INPP5A: variants seen among roughly 807,000 people sequenced by gnomAD.
The protein encoded by INPP5A is 43 kDa inositol polyphosphate 5-phophatase.
INPP5A carries 14 observed loss-of-function variants against 65.2 expected under a neutral mutation model. That is an observed-to-expected ratio of 0.21 (90% CI 0.14 to 0.34). The LOEUF is 0.34. Ranked by LOEUF, INPP5A falls within the 10% of genes least tolerant of loss-of-function variation. The pLI is 1.00. For synonymous variants in INPP5A, 207 were observed against 208.3 expected, an observed-to-expected ratio of 0.99 and a Z score of 0.05; for missense variants, 431 against 545.6, an observed-to-expected ratio of 0.79 and a Z score of 2.09.
intron 8 of INPP5A, among the ~76,000 whole-genome samples, chr10:132,716,149 C>T (rs112932768): frequency 0.024 from 3,590 of 152,316 alleles, 133 homozygotes; most frequent in African/African-American, 0.081. Flanking sequence ...CGCCTGCACC[C>T]GCCACGCACC....
chr10:132,585,769 G>A (rs2071537689), intron 1 of INPP5A, among the ~76,000 whole-genome samples: 1 of 151,900 alleles, frequency 6.6e-6, no homozygotes, highest in Admixed American at 6.5e-5. Flanking sequence ...TTCTGGGGTG[G>A]CCCCTGTCTT....
chr10:132,749,447 G>T (rs1266215719), intron 9 of INPP5A, 70 bp from the exon 10 acceptor site: 26 of 1,378,650 alleles, frequency 1.9e-5, no homozygotes, highest in Non-Finnish European at 2.5e-5. Flanking sequence ...ACTGACTCGG[G>T]GTGTCGGGTG....
intron 11 of INPP5A, among the ~76,000 whole-genome samples, chr10:132,750,514 C>T (rs1051008333): frequency 2.0e-5 from 3 of 152,062 alleles, no homozygotes; most frequent in Admixed American, 6.5e-5. Flanking sequence ...TCAGTGTAGG[C>T]GAGCGCTGAG....
At chr10:132,708,657 G>A (rs997490486) in intron 7 of INPP5A, 10 of 503,934 alleles carry the variant, frequency 2.0e-5, no homozygotes, top group Non-Finnish European at 3.0e-5. Flanking sequence ...AGAGCCCGCT[G>A]CACAGAGAAG....
intron 11 of INPP5A, among the ~76,000 whole-genome samples, chr10:132,759,137 C>T (rs982866436): frequency 6.6e-6 from 1 of 152,210 alleles, no homozygotes; most frequent in African/African-American, 2.4e-5. Flanking sequence ...AGCAGGTCAG[C>T]GTGGCCCAGG....
chr10:132,699,820 T>C (rs145595061), intron 6 of INPP5A, among the ~76,000 whole-genome samples: 139 of 152,194 alleles, frequency 9.1e-4, no homozygotes, highest in Non-Finnish European at 1.6e-3. Context: ...GGGACCTCCT[T>C]CTTGCACCCA....
chr10:132,732,205 G>A (rs371698807), intron 9 of INPP5A, among the ~76,000 whole-genome samples: 103 of 152,348 alleles, frequency 6.8e-4, no homozygotes, highest in African/African-American at 2.4e-3. Flanking sequence ...ACTGTTCTGC[G>A]CTGTTTGTCT....
At chr10:132,566,681 GA>G (rs2071278334) in intron 1 of INPP5A, among the ~76,000 whole-genome samples, 1 of 152,122 alleles carries the variant, frequency 6.6e-6, no homozygotes, top group African/African-American at 2.4e-5. Context: ...ACTTTTGATT[GA>G]AAAATGATTA....
chr10:132,616,032 C>T lies in INPP5A; in HGVS notation c.117+8076C>T, dbSNP rs1425303473. On this transcript the variant is annotated intron_variant, in intron 2 of 15. Transcript: ENST00000368594. This position sits in a 1 kb window ranked among gnomAD's most constrained non-coding sequence, Gnocchi z 4.9. ...GATGGGCTTCACCCTCTGTAGCTGC[C>T]GGTTCCGGGTCCTGTGGGGAGCGGT... 3.9e-5 allele frequency among the ~76,000 whole-genome samples: 6 copies of T among 152,142 alleles called. No homozygotes were observed. Among genetic ancestry groups the T allele is most frequent in the South Asian group, 4.1e-4 (2 of 4,824 alleles).
chr10:132,541,799 C>T (rs1367636417), intron 1 of INPP5A, among the ~76,000 whole-genome samples: 1 of 152,220 alleles, frequency 6.6e-6, no homozygotes, highest in African/African-American at 2.4e-5. Context: ...GCCCAGTCCT[C>T]CCTCCCCATA....
At chr10:132,582,252 TCTTC>T (rs1203603612) in intron 1 of INPP5A, among the ~76,000 whole-genome samples, 7 of 152,152 alleles carry the variant, frequency 4.6e-5, no homozygotes, top group South Asian at 2.1e-4. Flanking sequence ...ATGAAGACCT[TCTTC>T]CTTTTTGCCT....
At chr10:132,693,383 A>C (rs1167834250) in intron 5 of INPP5A, among the ~76,000 whole-genome samples, 1 of 152,222 alleles carries the variant, frequency 6.6e-6, no homozygotes, top group Non-Finnish European at 1.5e-5. Flanking sequence ...AGACTGTCAG[A>C]GTGGATTAAA....
chr10:132,764,790 C>T (rs1232188618), intron 11 of INPP5A, among the ~76,000 whole-genome samples: 1 of 135,654 alleles, frequency 7.4e-6, no homozygotes, highest in East Asian at 2.2e-4. Context: ...CACTCAGAAA[C>T]ACGGTCGGGC....
intron 1 of INPP5A, among the ~76,000 whole-genome samples, chr10:132,579,505 A>G (rs1229022183): frequency 6.6e-6 from 1 of 152,162 alleles, no homozygotes; most frequent in Non-Finnish European, 1.5e-5. Flanking sequence ...GACTCTGGGC[A>G]TCCCAATGGT....
chr10:132,695,430 C>G (rs1845330391), intron 5 of INPP5A, among the ~76,000 whole-genome samples: 1 of 152,216 alleles, frequency 6.6e-6, no homozygotes, highest in African/African-American at 2.4e-5. Context: ...CCTATGAGAT[C>G]AGGAACAAGG....
At chr10:132,593,604 G>A (rs2071646362) in intron 1 of INPP5A, among the ~76,000 whole-genome samples, 1 of 152,126 alleles carries the variant, frequency 6.6e-6, no homozygotes, top group Non-Finnish European at 1.5e-5. Context: ...TGGGGTCGGG[G>A]GGTAGTCCCT....
Position 132,659,061 on chromosome 10 carries a change from G to T in INPP5A, c.306+8556G>T, listed in dbSNP as rs563712672. Among the ~76,000 whole-genome samples, 16 of 152,002 alleles carry T rather than the reference G, an allele frequency of 1.1e-4. No homozygotes were observed. The highest frequency in any genetic ancestry group is 8.5e-4 in the Admixed American group (13 of 15,306). On this transcript the variant is annotated intron_variant, in intron 4 of 15. Transcript: ENST00000368594. The surrounding 1 kb of genome is among the most constrained non-coding windows in gnomAD (Gnocchi z 5.5). ...CACCAAGGCTACCGACCTGGGCCCT[G>T]GGGATGAGCAGCCCAGGAGGCGAAG...
At chr10:132,731,989 T>C (rs1846094536) in intron 9 of INPP5A, among the ~76,000 whole-genome samples, 1 of 152,140 alleles carries the variant, frequency 6.6e-6, no homozygotes, top group Admixed American at 6.5e-5. Flanking sequence ...CCAACAGACG[T>C]AGATGCCACC....
chr10:132,730,714 C>T (rs1330301936), intron 9 of INPP5A, among the ~76,000 whole-genome samples: 2 of 152,218 alleles, frequency 1.3e-5, no homozygotes. Flanking sequence ...GGCAGAGCTC[C>T]TGCGGGCCTG....
Sources: gnomAD v4.1 joint callset for allele counts (sites outside exome capture counted in the v4.1 genomes callset) on GRCh38, gnomAD v4.1.1 for gene constraint, Gnocchi (gnomAD v3.1) non-coding constraint, MANE v1.5 for transcripts, NCBI Gene and HGNC (gene_info 2026-07-23, HGNC 2026-07-21) for gene names.